Variants in IMMP2L observed in about 807,000 individuals in gnomAD.
The protein encoded by IMMP2L is mitochondrial inner membrane protease subunit 2.
In IMMP2L, 18 loss-of-function variants were observed where a neutral mutation model predicts 19.3. That is an observed-to-expected ratio of 0.93 (90% CI 0.64 to 1.38). The LOEUF (loss-of-function observed/expected upper bound fraction) is 1.38, where lower values mean the gene tolerates loss of function less well. Ranked by LOEUF, IMMP2L falls within the 40% of genes most tolerant of loss-of-function variation. The pLI is 0.00. For synonymous variants in IMMP2L, 76 were observed against 73.0 expected (o/e 1.04, Z -0.21); for missense variants, 233 against 218.2 (o/e 1.07, Z -0.43).
chr7:110,922,402 A>G (rs1384980034), intron 4 of IMMP2L, among the ~76,000 whole-genome samples: 1 of 152,202 alleles, frequency 6.6e-6, no homozygotes, highest in South Asian at 2.1e-4. Flanking sequence ...AAATGACAAA[A>G]TCATTAGTTA....
intron 3 of IMMP2L, among the ~76,000 whole-genome samples, chr7:111,139,060 G>A (rs961936297): frequency 6.6e-6 from 1 of 151,822 alleles, no homozygotes; most frequent in Non-Finnish European, 1.5e-5. Context: ...TTTGGCTATT[G>A]TGAGAATAAT....
intron 3 of IMMP2L, among the ~76,000 whole-genome samples, chr7:111,383,202 C>G (rs1396476719): frequency 6.6e-6 from 1 of 151,994 alleles, no homozygotes; most frequent in Non-Finnish European, 1.5e-5. Flanking sequence ...CTATATAACC[C>G]TAATTAGTTC....
At chr7:110,696,098 G>C (rs915884048) in intron 5 of IMMP2L, among the ~76,000 whole-genome samples, 2 of 152,142 alleles carry the variant, frequency 1.3e-5, no homozygotes, top group African/African-American at 4.8e-5. Context: ...TGCAGAGTAG[G>C]GTGAATGAAA....
intron 3 of IMMP2L, among the ~76,000 whole-genome samples, chr7:111,318,302 T>A (rs1045711619): frequency 6.6e-6 from 1 of 152,054 alleles, no homozygotes; most frequent in Non-Finnish European, 1.5e-5. Flanking sequence ...TGGAAGCCAA[T>A]GGAGAACTCA....
chr7:111,192,542 ATTTG>A (rs1809004998), intron 3 of IMMP2L, among the ~76,000 whole-genome samples: 1 of 152,126 alleles, frequency 6.6e-6, no homozygotes, highest in South Asian at 2.1e-4. Context: ...AATTAAGTGA[ATTTG>A]TTTATTTTGA....
chr7:110,769,256 C>G (rs1408016972), intron 5 of IMMP2L, among the ~76,000 whole-genome samples: 1 of 152,166 alleles, frequency 6.6e-6, no homozygotes, highest in Admixed American at 6.6e-5. Flanking sequence ...TTATGTCCAG[C>G]CTTTTTAGCT....
At chr7:110,686,458 G>A (rs1793121754) in intron 5 of IMMP2L, among the ~76,000 whole-genome samples, 1 of 151,770 alleles carries the variant, frequency 6.6e-6, no homozygotes, top group African/African-American at 2.4e-5. Flanking sequence ...CTGATCTCCA[G>A]ACCTGATTAT....
chr7:111,326,194 G>A (rs1379501135), intron 3 of IMMP2L, among the ~76,000 whole-genome samples: 1 of 151,488 alleles, frequency 6.6e-6, no homozygotes, highest in Non-Finnish European at 1.5e-5. Flanking sequence ...GTATTTTGAA[G>A]GCAATTAGTT....
At chr7:110,817,249 G>A (rs1460482024) in intron 5 of IMMP2L, among the ~76,000 whole-genome samples, 4 of 152,056 alleles carry the variant, frequency 2.6e-5, no homozygotes, top group Non-Finnish European at 5.9e-5. Context: ...AAGCTGATAA[G>A]CAACTTCAGC....
At chr7:111,212,207 G>T (rs910871486) in intron 3 of IMMP2L, among the ~76,000 whole-genome samples, 5 of 151,870 alleles carry the variant, frequency 3.3e-5, no homozygotes, top group African/African-American at 7.3e-5. Context: ...CTTTCTGGGG[G>T]AATTATAAGG....
In IMMP2L at chr7:111,344,472, C is replaced by A. The variant is rs191046164; in HGVS notation, c.239+142766G>T. 1.4e-3 allele frequency among the ~76,000 whole-genome samples: 211 copies of A among 152,302 alleles called. 1 individual carries two copies. Among genetic ancestry groups the A allele is most frequent in the African/African-American group, 4.8e-3 (199 of 41,582 alleles). ...TCTGTATTCCTGTTTTTCTCTATTA[C>A]CCATTCACTGATCTTTCCTTCTTTG... is the stretch of plus-strand genomic sequence containing the variant. On this transcript the variant is annotated intron_variant, in intron 3 of 5. Coordinates refer to ENST00000405709, the MANE Select transcript of IMMP2L (RefSeq NM_032549.4).
chr7:110,931,828 A>G (rs1288270588), intron 4 of IMMP2L, among the ~76,000 whole-genome samples: 1 of 151,590 alleles, frequency 6.6e-6, no homozygotes, highest in Non-Finnish European at 1.5e-5. Context: ...CTCCCACTAC[A>G]CTCCACTTCA....
chr7:111,257,076 C>T (rs191908840), intron 3 of IMMP2L, among the ~76,000 whole-genome samples: 20 of 152,150 alleles, frequency 1.3e-4, no homozygotes, highest in African/African-American at 4.8e-4. Context: ...AGGTTATGAT[C>T]TTAATATAAT....
chr7:110,738,935 C>T (rs935499701), intron 5 of IMMP2L, among the ~76,000 whole-genome samples: 2 of 152,068 alleles, frequency 1.3e-5, no homozygotes, highest in African/African-American at 2.4e-5. Flanking sequence ...AAACAATTAT[C>T]GCCAAGAATT....
chr7:110,893,494 A>G (rs1811023142), intron 4 of IMMP2L, among the ~76,000 whole-genome samples: 1 of 152,210 alleles, frequency 6.6e-6, no homozygotes, highest in East Asian at 1.9e-4. Flanking sequence ...ATAGTATACT[A>G]CTATATGAAT....
intron 1 of IMMP2L, among the ~76,000 whole-genome samples, chr7:111,533,023 G>C (rs1156460410): frequency 6.6e-6 from 1 of 152,134 alleles, no homozygotes; most frequent in Non-Finnish European, 1.5e-5. Flanking sequence ...ATGCACACTT[G>C]CTGAAATGGC....
At chr7:111,095,689 T>A (rs570318157) in intron 3 of IMMP2L, among the ~76,000 whole-genome samples, 2 of 152,132 alleles carry the variant, frequency 1.3e-5, no homozygotes, top group South Asian at 4.1e-4. Context: ...CTATTGATCA[T>A]CCACTATAAG....
chr7:111,085,954 T>C (rs2129577048), intron 3 of IMMP2L, among the ~76,000 whole-genome samples: 1 of 152,218 alleles, frequency 6.6e-6, no homozygotes, highest in Admixed American at 6.5e-5. Flanking sequence ...CAACAGCCAC[T>C]GGTGCCTCCT....
chr7:111,057,643 A>G (rs1220760186), intron 3 of IMMP2L, among the ~76,000 whole-genome samples: 2 of 152,226 alleles, frequency 1.3e-5, no homozygotes, highest in Non-Finnish European at 2.9e-5. Flanking sequence ...TATCAGTGAC[A>G]CTAGTACTCT....
Sources: gnomAD v4.1 joint callset for allele counts (sites outside exome capture counted in the v4.1 genomes callset) on GRCh38, gnomAD v4.1.1 for gene constraint, MANE v1.5 for transcripts, NCBI Gene and HGNC (gene_info 2026-07-23, HGNC 2026-07-21) for gene names.